The following MAPKAP1 variants were observed in gnomAD, a reference collection of about 807,000 sequenced individuals.
The protein encoded by MAPKAP1 is target of rapamycin complex 2 subunit MAPKAP1.
MAPKAP1 carries 20 observed loss-of-function variants against 65.7 expected under a neutral mutation model. The observed-to-expected ratio is 0.30, with a 90% CI of 0.21 to 0.44. The LOEUF (loss-of-function observed/expected upper bound fraction) is 0.44. Ranked by LOEUF, MAPKAP1 falls within the 20% of genes least tolerant of loss-of-function variation. MAPKAP1 has a pLI of 1.00. For synonymous variants in MAPKAP1, 222 were observed against 244.3 expected, an observed-to-expected ratio of 0.91 and a Z score of 0.85; for missense variants, 423 against 648.0, an observed-to-expected ratio of 0.65 and a Z score of 3.77.
At chr9:125,654,526 G>C (rs1251655569) in intron 4 of MAPKAP1, among the ~76,000 whole-genome samples, 1 of 152,066 alleles carries the variant, frequency 6.6e-6, no homozygotes, top group Non-Finnish European at 1.5e-5. Context: ...TGATAAACCT[G>C]ACCCCAAAAA....
chr9:125,447,268 T>G lies in MAPKAP1; in HGVS notation c.1346-2670A>C. On this transcript the variant is annotated intron_variant, in intron 10 of 11. Coordinates refer to ENST00000265960, the MANE Select transcript of MAPKAP1 (RefSeq NM_001006617.3). The surrounding 1 kb of genome is among the most constrained non-coding windows in gnomAD (Gnocchi z 4.5). ...TGAGGAGGAGGAAGAGTCCCAACAT[T>G]CCCCCACTCTCCCTCAAGCCTCCGG... 2.6e-6 allele frequency: 1 copy of G among 391,216 alleles called. No individual in the cohort carries two copies. The allele number at this position is 391,216 out of a possible 1,614,324, so 24.2% of individuals were successfully genotyped here.
Position 125,447,222 on chromosome 9 carries a change from T to C in MAPKAP1, c.1346-2624A>G. On this transcript the variant is annotated intron_variant, in intron 10 of 11. Coordinates refer to ENST00000265960, the MANE Select transcript of MAPKAP1 (RefSeq NM_001006617.3). The surrounding 1 kb of genome is among the most constrained non-coding windows in gnomAD (Gnocchi z 4.5). Reference sequence around the variant, plus strand: ...TCCCCAGGGCTCATTCCAGCACCCATCTGAGGAAGAGTGAAGCAGGTGAGG... The same window carrying C: ...TCCCCAGGGCTCATTCCAGCACCCACCTGAGGAAGAGTGAAGCAGGTGAGG... 5.5e-6 allele frequency: 2 copies of C among 362,752 alleles called. No individual in the cohort carries two copies. The highest frequency in any genetic ancestry group is 4.1e-5 in the South Asian group (2 of 48,778). 22.5% of individuals were successfully genotyped at this position (362,752 alleles called of 1,614,324 possible).
chr9:125,675,128 C>A (rs528476674), intron 1 of MAPKAP1, among the ~76,000 whole-genome samples: 1 of 152,268 alleles, frequency 6.6e-6, no homozygotes, highest in South Asian at 2.1e-4. Context: ...CCTTCTACAG[C>A]AATCACAATA....
intron 5 of MAPKAP1, among the ~76,000 whole-genome samples, chr9:125,560,463 A>G (rs529641936): frequency 4.3e-4 from 66 of 152,266 alleles, no homozygotes; most frequent in African/African-American, 1.6e-3. Flanking sequence ...ATGCGCCTGT[A>G]GTTCCAGCTA....
chr9:125,546,412 G>GT (rs1830426786), intron 6 of MAPKAP1, among the ~76,000 whole-genome samples: 2 of 152,114 alleles, frequency 1.3e-5, no homozygotes, highest in Admixed American at 6.5e-5. Flanking sequence ...GCAGGGTTTT[G>GT]TTTTTTGAGT....
Position 125,566,886 on chromosome 9 carries a change from T to C in MAPKAP1, c.672-7077A>G, listed in dbSNP as rs75615239. 1.2e-3 allele frequency among the ~76,000 whole-genome samples: 189 copies of C among 152,332 alleles called. 1 individual carries two copies. In the East Asian group the frequency reaches 0.032, roughly 26 times the overall value. ...CAGACAAGAAAATACAAGTGACTAC[T>C]TGAACACTTTGTTTAGATCTAGCAA... On this transcript the variant is annotated intron_variant, in intron 5 of 11. Transcript: ENST00000265960.
intron 1 of MAPKAP1, among the ~76,000 whole-genome samples, chr9:125,692,599 C>T (rs922647808): frequency 6.6e-6 from 1 of 151,988 alleles, no homozygotes; most frequent in Admixed American, 6.6e-5. Context: ...TGTGAATATC[C>T]TAAGAGTCAT....
intron 1 of MAPKAP1, 102 bp downstream of exon 1, chr9:125,706,869 C>T: frequency 2.7e-6 from 1 of 367,340 alleles, no homozygotes. Flanking sequence ...GGCAGGCGGC[C>T]CGCCGGGCAG....
chr9:125,625,049 G>T (rs140411219), intron 4 of MAPKAP1, among the ~76,000 whole-genome samples: 1 of 56,748 alleles, frequency 1.8e-5, no homozygotes, highest in South Asian at 8.4e-4. Context: ...CAGCATGCTC[G>T]TTAAGAGTCA....
chr9:125,580,631 A>G (rs1407176798), intron 5 of MAPKAP1, among the ~76,000 whole-genome samples: 1 of 152,004 alleles, frequency 6.6e-6, no homozygotes, highest in Non-Finnish European at 1.5e-5. Context: ...ACATGTATAC[A>G]TATGTAACAA....
intron 6 of MAPKAP1, among the ~76,000 whole-genome samples, chr9:125,548,947 A>G (rs1382735095): frequency 6.6e-6 from 1 of 152,214 alleles, no homozygotes; most frequent in Non-Finnish European, 1.5e-5. Context: ...TAAGTCCTGA[A>G]GGAGCCAGGA....
At chr9:125,655,959 G>GAT (rs1052850100) in intron 4 of MAPKAP1, among the ~76,000 whole-genome samples, 7 of 152,148 alleles carry the variant, frequency 4.6e-5, no homozygotes, top group African/African-American at 1.7e-4. Flanking sequence ...TCAGAAGTTA[G>GAT]ATATATACAC....
At chr9:125,482,140 A>AG in intron 9 of MAPKAP1, among the ~76,000 whole-genome samples, 1 of 104,638 alleles carries the variant, frequency 9.6e-6, no homozygotes, top group Non-Finnish European at 2.1e-5. Context: ...CTAAAAAAAA[A>AG]AAAAAAAAAA....
At chr9:125,626,707 C>A (rs1833129237) in intron 4 of MAPKAP1, among the ~76,000 whole-genome samples, 1 of 152,168 alleles carries the variant, frequency 6.6e-6, no homozygotes, top group Admixed American at 6.5e-5. Context: ...CTGATTAGGG[C>A]TGCACATCCT....
chr9:125,697,523 A>T (rs1009792675), intron 1 of MAPKAP1, among the ~76,000 whole-genome samples: 3 of 152,294 alleles, frequency 2.0e-5, no homozygotes, highest in Middle Eastern at 3.4e-3. Context: ...ATGTCACTAA[A>T]ATTCTTCTGA....
intron 4 of MAPKAP1, chr9:125,596,555 C>A: frequency 1.4e-6 from 1 of 699,878 alleles, no homozygotes. Flanking sequence ...CAGTACTTTC[C>A]CAAACCACAA....
intron 9 of MAPKAP1, among the ~76,000 whole-genome samples, chr9:125,470,631 C>T (rs538643887): frequency 1.3e-5 from 2 of 152,358 alleles, no homozygotes; most frequent in South Asian, 4.1e-4. Context: ...TGCCTAAGCT[C>T]TGCACAGCCA....
At chr9:125,697,763 C>T (rs1835429174) in intron 1 of MAPKAP1, among the ~76,000 whole-genome samples, 1 of 152,110 alleles carries the variant, frequency 6.6e-6, no homozygotes, top group African/African-American at 2.4e-5. Context: ...ATAAATACTG[C>T]CAAAGTGCTT....
intron 1 of MAPKAP1, among the ~76,000 whole-genome samples, chr9:125,686,725 G>A (rs1027247418): frequency 6.6e-6 from 1 of 152,150 alleles, no homozygotes; most frequent in Non-Finnish European, 1.5e-5. Flanking sequence ...CTTTTTTGAC[G>A]AAGAATTGTA....
Sources: gnomAD v4.1 joint callset for allele counts (sites outside exome capture counted in the v4.1 genomes callset) on GRCh38, gnomAD v4.1.1 for gene constraint, Gnocchi (gnomAD v3.1) non-coding constraint, MANE v1.5 for transcripts, NCBI Gene and HGNC (gene_info 2026-07-23, HGNC 2026-07-21) for gene names.